NFASC: variants seen among roughly 807,000 people sequenced by gnomAD.
NFASC encodes neurofascin, also known as neurofascin homolog.
A neutral mutation model predicts 147.5 loss-of-function variants in NFASC; 43 were observed. The observed-to-expected ratio is 0.29, with a 90% CI of 0.23 to 0.38. The LOEUF (loss-of-function observed/expected upper bound fraction) is 0.38. NFASC is among the 10% of genes least tolerant of loss of function. The pLI is 1.00. For synonymous variants in NFASC, 622 were observed against 665.5 expected, an observed-to-expected ratio of 0.93 and a Z score of 1.01; for missense variants, 1,320 against 1,689.0, an observed-to-expected ratio of 0.78 and a Z score of 3.83.
chr1:205,000,198 A>G (rs2095944867), intron 25 of NFASC: 1 of 152,194 alleles, frequency 6.6e-6, no homozygotes, highest in Non-Finnish European at 1.5e-5. Flanking sequence ...TGTCTGGACC[A>G]CTGAGGGCTG....
At chr1:204,932,669 G>A (rs1269695096) in intron 2 of NFASC, among the ~76,000 whole-genome samples, 1 of 152,224 alleles carries the variant, frequency 6.6e-6, no homozygotes, top group Non-Finnish European at 1.5e-5. Context: ...CTCACTGTCT[G>A]TGGCTGCTTT....
intron 27 of NFASC, among the ~76,000 whole-genome samples, chr1:205,007,377 T>C: frequency 7.2e-6 from 1 of 139,750 alleles, no homozygotes; most frequent in Non-Finnish European, 1.5e-5. Context: ...ACCTGGGCAA[T>C]AGAGAGAGAC....
At chr1:204,943,287 C>T (rs1476305068) in intron 2 of NFASC, among the ~76,000 whole-genome samples, 1 of 152,190 alleles carries the variant, frequency 6.6e-6, no homozygotes, top group Non-Finnish European at 1.5e-5. Flanking sequence ...AGCTGTAGGC[C>T]ATTCTTGCTC....
At chr1:204,961,949 G>C (rs12740109) in intron 8 of NFASC, among the ~76,000 whole-genome samples, 1 of 151,906 alleles carries the variant, frequency 6.6e-6, no homozygotes, top group Admixed American at 6.6e-5. Flanking sequence ...TTCACTGAGC[G>C]TATTGCCTTT....
chr1:204,892,548 G>A (rs1207774193), intron 1 of NFASC, among the ~76,000 whole-genome samples: 6 of 152,212 alleles, frequency 3.9e-5, no homozygotes, highest in African/African-American at 1.2e-4. Flanking sequence ...GGGCTGTGCT[G>A]TCCAAAATGG....
intron 1 of NFASC, among the ~76,000 whole-genome samples, chr1:204,911,347 A>AT (rs1430113964): frequency 1.3e-5 from 2 of 152,122 alleles, no homozygotes; most frequent in African/African-American, 2.4e-5. Flanking sequence ...GTTTGCTTAT[A>AT]TTTTGTTAAG....
chr1:204,889,229 C>G (rs2081928562), intron 1 of NFASC, among the ~76,000 whole-genome samples: 2 of 152,178 alleles, frequency 1.3e-5, no homozygotes. Context: ...ATATTCTTTT[C>G]CTAGGTGATT....
intron 24 of NFASC, among the ~76,000 whole-genome samples, chr1:204,995,467 A>G (rs2095827594): frequency 6.6e-6 from 1 of 151,956 alleles, no homozygotes; most frequent in Non-Finnish European, 1.5e-5. Context: ...TAAATAAAGA[A>G]TCTGAGAGGG....
chr1:204,993,905 T>C (rs1483356367), intron 24 of NFASC: 1 of 425,980 alleles, frequency 2.3e-6, no homozygotes, highest in African/African-American at 2.0e-5. Flanking sequence ...TGGAAGGTTT[T>C]CCCCATGGAA....
chr1:204,837,351 G>T (rs4950964), intron 1 of NFASC, among the ~76,000 whole-genome samples: 35,264 of 152,064 alleles, frequency 0.23, 6,401 homozygotes, highest in East Asian at 0.73. Flanking sequence ...CCACTCAAAG[G>T]GCTAGAAGAG....
At chr1:204,890,874 A>G (rs1166571556) in intron 1 of NFASC, among the ~76,000 whole-genome samples, 2 of 152,160 alleles carry the variant, frequency 1.3e-5, no homozygotes, top group East Asian at 3.9e-4. Context: ...CTGGCCAGGG[A>G]GGCACTTTTC....
chr1:204,858,616 A>T (rs1000061129), intron 1 of NFASC, among the ~76,000 whole-genome samples: 19 of 151,518 alleles, frequency 1.3e-4, no homozygotes, highest in African/African-American at 4.6e-4. Context: ...TCCAGCAGGG[A>T]CTCCTCTGGA....
chr1:204,970,517 G>GT, intron 10 of NFASC, 99 bp from the exon 11 acceptor site: 1 of 1,405,514 alleles, frequency 7.1e-7, no homozygotes, highest in South Asian at 1.2e-5. Flanking sequence ...GTGGTGCTGG[G>GT]ACTCAGGGGC....
chr1:204,898,940 T>C (rs189815651), intron 1 of NFASC, among the ~76,000 whole-genome samples: 1 of 152,110 alleles, frequency 6.6e-6, no homozygotes, highest in Non-Finnish European at 1.5e-5. Context: ...TATTTGAGGA[T>C]ATGACCTTTA....
In NFASC at chr1:204,997,233, C is replaced by T. The variant is rs767117167; in HGVS notation, c.2846C>T (p.Thr949Ile). Reference sequence around the variant, plus strand: ...GGCGCTGTGAGCAGTACCGATGCTACTGCCATTGCTGCCACCACCGAAGCC... The same window carrying T: ...GGCGCTGTGAGCAGTACCGATGCTATTGCCATTGCTGCCACCACCGAAGCC... ...ATGAVSSTDA[T>I]AIAATTEATT... The change falls in exon 25 of 30, where the codon ACT (threonine) becomes ATT (isoleucine). Residue 949 changes from threonine (T) to isoleucine (I), a missense_variant. By Grantham distance (89) the Thr-to-Ile change is moderately conservative. Around this residue, in one of 3 missense-constraint regions of NFASC, gnomAD observed 172 missense variants for 165.8 expected, o/e 1.04. Transcript: ENST00000339876. The T allele has an allele frequency of 1.2e-6, 2 of 1,613,378 alleles. No homozygotes were observed. Among genetic ancestry groups the T allele is most frequent in the Non-Finnish European group, 8.5e-7 (1 of 1,179,794 alleles).
At chr1:204,928,753 C>T (rs919303824) in intron 2 of NFASC, among the ~76,000 whole-genome samples, 2 of 152,142 alleles carry the variant, frequency 1.3e-5, no homozygotes, top group African/African-American at 4.8e-5. Flanking sequence ...GATAACCCAG[C>T]TAGTTGTGGT....
At chr1:204,939,038 A>ATGGATGTGTGTGTGTGTGTGTGTG (rs1553266033) in intron 2 of NFASC, among the ~76,000 whole-genome samples, 9 of 123,744 alleles carry the variant, frequency 7.3e-5, no homozygotes, top group Admixed American at 1.6e-4. Context: ...GTATGGATGG[A>ATGGATGTGTGTGTGTGTGTGTGTG]TGTGTGTGTG....
At chr1:204,880,613 A>G (rs7526565) in intron 1 of NFASC, among the ~76,000 whole-genome samples, 2,157 of 152,200 alleles carry the variant, frequency 0.014, 44 homozygotes, top group African/African-American at 0.049. Context: ...CAGTCTCCCA[A>G]AGTGCTGGGA....
Position 204,954,331 on chromosome 1 carries a change from C to T in NFASC, c.359C>T (p.Ala120Val), listed in dbSNP as rs1177215477. The part of the protein sequence containing the change: ...EEYEGEYQCF[A>V]RNKFGTALSN... ...TATGAGGGGGAATATCAGTGCTTCG[C>T]CCGCAACAAATTTGGCACGGCCCTG... Residue 120 changes from alanine to valine, a missense_variant, in exon 6 of 30, where the codon GCC becomes GTC. Coordinates refer to ENST00000339876, the MANE Select transcript of NFASC (RefSeq NM_001005388.3). The surrounding 1 kb of genome is among the most constrained non-coding windows in gnomAD (Gnocchi z 5.7). The T allele has an allele frequency of 6.2e-7, 1 of 1,614,172 alleles. No individual in the cohort carries two copies. The highest frequency in any genetic ancestry group is 2.2e-5 in the East Asian group (1 of 44,866).
Sources: gnomAD v4.1 joint callset for allele counts (sites outside exome capture counted in the v4.1 genomes callset) on GRCh38, gnomAD v4.1.1 for gene constraint, gnomAD v4.1.1 regional missense constraint, Gnocchi (gnomAD v3.1) non-coding constraint, MANE v1.5 for transcripts, NCBI Gene and HGNC (gene_info 2026-07-23, HGNC 2026-07-21) for gene names.